The following LMBRD1 variants were observed in gnomAD, a reference collection of about 807,000 sequenced individuals.
LMBRD1 encodes the protein LMBR1 domain containing 1.
In LMBRD1, 64 loss-of-function variants were observed where a neutral mutation model predicts 74.8. The observed-to-expected ratio is 0.86, with a 90% CI of 0.70 to 1.05. The LOEUF is 1.05. Among genes scored for constraint, LMBRD1 ranks in the 50% least tolerant of loss-of-function variants. The pLI is 0.00. For missense variants in LMBRD1, 652 were observed against 645.9 expected, an observed-to-expected ratio of 1.01 and a Z score of -0.10; for synonymous variants, 204 against 216.3, an observed-to-expected ratio of 0.94 and a Z score of 0.50.
In LMBRD1 at chr6:69,674,370, G is replaced by T. The variant is rs536598376; in HGVS notation, c.*1788C>A. 6.6e-6 allele frequency among the ~76,000 whole-genome samples: 1 copy of T among 152,202 alleles called. No individual in the cohort carries two copies. The highest frequency in any genetic ancestry group is 1.5e-5 in the Non-Finnish European group (1 of 68,034). ...TTCAGCCTATAACATAGAAAGTGGAGAAGAAGGGACAAATGGAAAGATAGG... is the reference window on the plus strand; with the variant it reads ...TTCAGCCTATAACATAGAAAGTGGATAAGAAGGGACAAATGGAAAGATAGG... On this transcript the variant is annotated 3_prime_UTR_variant, in exon 16 of 16. Coordinates refer to ENST00000649934, the MANE Select transcript of LMBRD1 (RefSeq NM_018368.4).
intron 7 of LMBRD1, among the ~76,000 whole-genome samples, chr6:69,737,461 T>C (rs1767000826): frequency 6.6e-6 from 1 of 151,874 alleles, no homozygotes; most frequent in South Asian, 2.1e-4. Context: ...ATATAAAATA[T>C]CTGATTTTAA....
chr6:69,790,484 C>A lies in LMBRD1; in HGVS notation c.70-12G>T. On this transcript the variant is annotated splice_polypyrimidine_tract_variant and intron_variant, in intron 1 of 15. Transcript: ENST00000649934. ...AATGCCAAAATAGCCTGAAATAGAA[C>A]AAAAAGAGATGTTTGTTACTACCCA... 1 of 1,612,708 alleles carries A rather than the reference C, an allele frequency of 6.2e-7. No homozygotes were observed. Among genetic ancestry groups the A allele is most frequent in the Non-Finnish European group, 8.5e-7 (1 of 1,179,004 alleles).
rs556445953 is a variant in LMBRD1 at position 69,771,694 on chromosome 6, G to C, written c.307+8800C>G. 4.9e-5 allele frequency among the ~76,000 whole-genome samples: 6 copies of C among 123,330 alleles called. 1 individual carries two copies. In the South Asian group the frequency reaches 1.4e-3, roughly 29 times the overall value. 80.9% of individuals were successfully genotyped at this position (123,330 alleles called of 152,430 possible). ...CCCTGCAGGCTTCAGTAATGACTTC[G>C]TCATTTCCTCTGAATTACATGGGAA... On this transcript the variant is annotated intron_variant, in intron 3 of 15. Transcript: ENST00000649934.
rs186040275 is a variant in LMBRD1 at position 69,702,304 on chromosome 6, C to G, written c.916-351G>C. Among the ~76,000 whole-genome samples the G allele has an allele frequency of 2.0e-5, 3 of 151,776 alleles. No homozygotes were observed. The East Asian group carries it at 5.8e-4, about 29-fold the overall frequency. Reference sequence around the variant, plus strand: ...ACACACAGACACACACACACACACACACCCCAAAACCATGAAATGCAGGTT... The same window carrying G: ...ACACACAGACACACACACACACACAGACCCCAAAACCATGAAATGCAGGTT... On this transcript the variant is annotated intron_variant, in intron 9 of 15. Transcript: ENST00000649934.
chr6:69,776,082 A>G (rs1035246993), intron 3 of LMBRD1, among the ~76,000 whole-genome samples: 1 of 152,240 alleles, frequency 6.6e-6, no homozygotes, highest in Non-Finnish European at 1.5e-5. Flanking sequence ...GTATAATGAT[A>G]TGTGTCAACA....
At chr6:69,718,922 T>C in intron 8 of LMBRD1, 34 bp downstream of exon 8, 1 of 1,610,804 alleles carries the variant, frequency 6.2e-7, no homozygotes, top group Non-Finnish European at 8.5e-7. Context: ...AAAGTAGTTT[T>C]ATGCTTCCCA....
At chr6:69,790,210 A>C in intron 2 of LMBRD1, 86 bp downstream of exon 2, 1 of 920,604 alleles carries the variant, frequency 1.1e-6, no homozygotes, top group Non-Finnish European at 1.7e-6. Flanking sequence ...TCCCAGATAC[A>C]AAAATAAAAC....
intron 5 of LMBRD1, among the ~76,000 whole-genome samples, chr6:69,748,605 T>C (rs1765048008): frequency 6.6e-6 from 1 of 152,066 alleles, no homozygotes; most frequent in Non-Finnish European, 1.5e-5. Flanking sequence ...GGAAAGTTAT[T>C]TATTGAAAAT....
At chr6:69,689,264 G>C (rs1188434515) in intron 14 of LMBRD1, among the ~76,000 whole-genome samples, 1 of 152,068 alleles carries the variant, frequency 6.6e-6, no homozygotes, top group African/African-American at 2.4e-5. Flanking sequence ...AGAAAGTTAA[G>C]ATTCTGAATT....
At chr6:69,719,784 A>C (rs1464840436) in intron 7 of LMBRD1, among the ~76,000 whole-genome samples, 2 of 152,206 alleles carry the variant, frequency 1.3e-5, no homozygotes, top group Non-Finnish European at 2.9e-5. Flanking sequence ...ACTGACAACT[A>C]TCACCTCCTG....
intron 6 of LMBRD1, among the ~76,000 whole-genome samples, chr6:69,739,034 C>G (rs2149869703): frequency 6.6e-6 from 1 of 152,196 alleles, no homozygotes; most frequent in South Asian, 2.1e-4. Flanking sequence ...TACTTTTTAT[C>G]AAATCAAAGA....
chr6:69,762,019 G>T (rs1256607964), intron 3 of LMBRD1, among the ~76,000 whole-genome samples: 1 of 152,178 alleles, frequency 6.6e-6, no homozygotes, highest in African/African-American at 2.4e-5. Context: ...TGCTGCTGTA[G>T]CAAAGCAGTC....
chr6:69,680,124 T>C (rs1046988074), intron 14 of LMBRD1, among the ~76,000 whole-genome samples: 30 of 152,258 alleles, frequency 2.0e-4, no homozygotes, highest in Middle Eastern at 3.4e-3. Flanking sequence ...CTGCTAAATA[T>C]ACCTTTAAAT....
At chr6:69,785,659 G>T (rs1765929336) in intron 2 of LMBRD1, among the ~76,000 whole-genome samples, 2 of 152,044 alleles carry the variant, frequency 1.3e-5, no homozygotes, top group African/African-American at 4.8e-5. Context: ...TAAAATACAT[G>T]CCAATTTTAA....
intron 7 of LMBRD1, among the ~76,000 whole-genome samples, chr6:69,723,661 C>T (rs1209818794): frequency 6.6e-6 from 1 of 151,906 alleles, no homozygotes; most frequent in African/African-American, 2.4e-5. Flanking sequence ...CTACAGGATA[C>T]AGCGAAAGTA....
In LMBRD1 at chr6:69,683,659, T is replaced by A. The variant is rs192469671; in HGVS notation, c.1418-7118A>T. 3.5e-3 allele frequency among the ~76,000 whole-genome samples: 536 copies of A among 151,208 alleles called. 2 individuals carry two copies. Among genetic ancestry groups the A allele is most frequent in the African/African-American group, 0.013 (513 of 40,870 alleles). ...GTATAGTATTTAACCACAAAAAAAA[T>A]TTTAACCTGTTGAAAACATAGCTTA... is the stretch of plus-strand genomic sequence containing the variant. On this transcript the variant is annotated intron_variant, in intron 14 of 15. Coordinates refer to ENST00000649934, the MANE Select transcript of LMBRD1 (RefSeq NM_018368.4).
chr6:69,750,743 C>T (rs1164275294), intron 4 of LMBRD1, among the ~76,000 whole-genome samples: 2 of 151,966 alleles, frequency 1.3e-5, no homozygotes, highest in Non-Finnish European at 2.9e-5. Flanking sequence ...AACTAGCTAC[C>T]TTACTTTACA....
intron 7 of LMBRD1, among the ~76,000 whole-genome samples, chr6:69,720,623 C>T (rs1766594010): frequency 2.0e-5 from 3 of 152,082 alleles, no homozygotes; most frequent in African/African-American, 4.8e-5. Context: ...GTATATTGAG[C>T]ATCCCTAATC....
intron 4 of LMBRD1, 118 bp from the exon 5 acceptor site, chr6:69,749,526 C>G: frequency 2.5e-6 from 2 of 787,978 alleles, no homozygotes; most frequent in Admixed American, 2.3e-5. Flanking sequence ...AATATTGAAA[C>G]TAAGGTTGAA....
Sources: allele counts gnomAD v4.1 joint callset (sites outside exome capture counted in the v4.1 genomes callset), GRCh38; gene constraint gnomAD v4.1.1; transcripts MANE v1.5; gene names NCBI Gene and HGNC (gene_info 2026-07-23, HGNC 2026-07-21).